CFAP54: variants seen among roughly 807,000 people sequenced by gnomAD.
The protein encoded by CFAP54 is cilia and flagella associated protein 54, also known as cilia- and flagella-associated protein 54.
A neutral mutation model predicts 370.4 loss-of-function variants in CFAP54; 290 were observed. The ratio of observed to expected loss-of-function variants is 0.78; its 90% CI spans 0.71 to 0.86. The LOEUF is 0.86. CFAP54 is among the 40% of genes least tolerant of loss of function. CFAP54 has a pLI of 0.00. For missense variants in CFAP54, 3,399 were observed against 3,528.7 expected, an observed-to-expected ratio of 0.96 and a Z score of 0.93; for synonymous variants, 1,206 against 1,236.5, an observed-to-expected ratio of 0.98 and a Z score of 0.52.
intron 66 of CFAP54, among the ~76,000 whole-genome samples, chr12:96,843,605 A>G (rs982106054): frequency 1.3e-5 from 2 of 151,546 alleles, no homozygotes; most frequent in African/African-American, 4.9e-5. Context: ...GAGTTGGGCG[A>G]CTCTCCTTCA....
At chr12:96,762,657 A>G (rs1037539576) in intron 58 of CFAP54, among the ~76,000 whole-genome samples, 6 of 152,210 alleles carry the variant, frequency 3.9e-5, no homozygotes, top group Non-Finnish European at 7.3e-5. Flanking sequence ...ATTCTTCATT[A>G]CATGCCTGTT....
At chr12:96,629,527 A>G (rs1305588075) in intron 30 of CFAP54, among the ~76,000 whole-genome samples, 1 of 150,020 alleles carries the variant, frequency 6.7e-6, no homozygotes, top group Non-Finnish European at 1.5e-5. Flanking sequence ...GTTAGCCAGG[A>G]TGGTCTCTAT....
intron 17 of CFAP54, among the ~76,000 whole-genome samples, chr12:96,559,898 G>A (rs1955797824): frequency 6.6e-6 from 1 of 151,978 alleles, no homozygotes; most frequent in Non-Finnish European, 1.5e-5. Context: ...TTTATGTAAT[G>A]TGATTTTGGT....
At chr12:96,809,408 T>C (rs900956504) in intron 63 of CFAP54, among the ~76,000 whole-genome samples, 1 of 152,218 alleles carries the variant, frequency 6.6e-6, no homozygotes, top group Non-Finnish European at 1.5e-5. Flanking sequence ...GATTCAACTT[T>C]ATATTTTCAA....
chr12:96,789,177 CAG>C (rs1236717720), intron 62 of CFAP54, among the ~76,000 whole-genome samples: 5 of 152,176 alleles, frequency 3.3e-5, no homozygotes, highest in Non-Finnish European at 7.3e-5. Flanking sequence ...GCGTGAGGAG[CAG>C]AGAGTGTTCA....
At chr12:96,519,629 GA>G (rs747149032) in intron 6 of CFAP54, among the ~76,000 whole-genome samples, 1 of 151,638 alleles carries the variant, frequency 6.6e-6, no homozygotes, top group Non-Finnish European at 1.5e-5. Flanking sequence ...AAGATTTTTG[GA>G]ATTTTAAAAA....
intron 32 of CFAP54, among the ~76,000 whole-genome samples, chr12:96,642,082 AAG>A (rs1048005394): frequency 1.2e-4 from 18 of 151,800 alleles, no homozygotes; most frequent in African/African-American, 3.9e-4. Context: ...GTATAAAAAA[AAG>A]AAAAGAATGG....
intron 50 of CFAP54, among the ~76,000 whole-genome samples, chr12:96,727,328 A>G (rs1290255953): frequency 1.3e-5 from 2 of 151,384 alleles, no homozygotes; most frequent in Non-Finnish European, 2.9e-5. Context: ...TTTGTAGGTC[A>G]CTCAGGACTT....
At chr12:96,674,479 A>T (rs1957181836) in intron 39 of CFAP54, among the ~76,000 whole-genome samples, 1 of 151,976 alleles carries the variant, frequency 6.6e-6, no homozygotes, top group African/African-American at 2.4e-5. Context: ...AGAGCTGTCA[A>T]GATAAGGGCC....
chr12:96,578,214 T>C (rs1404686393), intron 20 of CFAP54, among the ~76,000 whole-genome samples: 1 of 152,250 alleles, frequency 6.6e-6, no homozygotes, highest in East Asian at 1.9e-4. Flanking sequence ...GGATTAAATG[T>C]GCTTGCATAC....
chr12:96,648,580 C>CTTTT (rs11303164), intron 34 of CFAP54, among the ~76,000 whole-genome samples: 2 of 58,658 alleles, frequency 3.4e-5, no homozygotes, highest in Admixed American at 2.6e-4. Flanking sequence ...AAACAGGGTT[C>CTTTT]TTTTTTTTTT....
At chr12:96,655,190 G>GTT (rs149611504) in intron 36 of CFAP54, among the ~76,000 whole-genome samples, 8 of 148,268 alleles carry the variant, frequency 5.4e-5, no homozygotes, top group African/African-American at 9.9e-5. Context: ...CATATATATG[G>GTT]TTTTTTTTTT....
intron 32 of CFAP54, among the ~76,000 whole-genome samples, chr12:96,640,127 G>A (rs545981589): frequency 8.1e-4 from 124 of 152,256 alleles, no homozygotes; most frequent in African/African-American, 2.8e-3. Context: ...TAGGAAAAGA[G>A]GAAGTCAAAT....
intron 50 of CFAP54, among the ~76,000 whole-genome samples, chr12:96,730,583 A>G (rs1212015585): frequency 6.6e-6 from 1 of 152,222 alleles, no homozygotes; most frequent in Non-Finnish European, 1.5e-5. Flanking sequence ...GAGAAAAGAA[A>G]TGATCAAGTT....
chr12:96,558,634 C>T (rs1955781523), intron 17 of CFAP54, among the ~76,000 whole-genome samples: 1 of 152,132 alleles, frequency 6.6e-6, no homozygotes, highest in Non-Finnish European at 1.5e-5. Flanking sequence ...GGAGAAAAGA[C>T]AGTCTTTTCA....
intron 39 of CFAP54, among the ~76,000 whole-genome samples, chr12:96,668,198 C>A (rs12825791): frequency 0.25 from 37,508 of 152,082 alleles, 4,795 homozygotes; most frequent in South Asian, 0.29. Flanking sequence ...TTCCTGTCTT[C>A]TTCCGAGCCC....
chr12:96,758,879 C>T (rs1555321420), intron 58 of CFAP54, among the ~76,000 whole-genome samples: 2 of 152,084 alleles, frequency 1.3e-5, no homozygotes, highest in Admixed American at 6.6e-5. Flanking sequence ...ATGCTGATGC[C>T]GCCGGTCTGT....
chr12:96,563,849 G>C (rs1420298176), intron 17 of CFAP54, among the ~76,000 whole-genome samples: 3 of 152,168 alleles, frequency 2.0e-5, no homozygotes, highest in Non-Finnish European at 4.4e-5. Flanking sequence ...ATCTCCCTGG[G>C]CTAGTATAGT....
At chr12:96,868,420 G>C (rs1347133108) in intron 67 of CFAP54, among the ~76,000 whole-genome samples, 3 of 137,576 alleles carry the variant, frequency 2.2e-5, no homozygotes, top group African/African-American at 5.2e-5. Context: ...TTTTTTACTT[G>C]TATGTTCATC....
Sources: gnomAD v4.1 joint callset for allele counts (sites outside exome capture counted in the v4.1 genomes callset) on GRCh38, gnomAD v4.1.1 for gene constraint, MANE v1.5 for transcripts, NCBI Gene and HGNC (gene_info 2026-07-23, HGNC 2026-07-21) for gene names.